Variants in CALCRL observed in about 807,000 individuals in gnomAD.
CALCRL encodes the protein calcitonin receptor like receptor.
A neutral mutation model predicts 60.4 loss-of-function variants in CALCRL; 27 were observed. The ratio of observed to expected loss-of-function variants is 0.45; its 90% CI spans 0.33 to 0.62. The LOEUF is 0.62. Ranked by LOEUF, CALCRL falls within the 20% of genes least tolerant of loss-of-function variation. CALCRL has a pLI of 0.03. For missense variants in CALCRL, 424 were observed against 540.7 expected (o/e 0.78, Z 2.14); for synonymous variants, 190 against 182.6 (o/e 1.04, Z -0.33).
chr2:187,414,679 G>T (rs1405990490), intron 1 of CALCRL, among the ~76,000 whole-genome samples: 2 of 152,034 alleles, frequency 1.3e-5, no homozygotes, highest in African/African-American at 4.8e-5. Flanking sequence ...GTGATACACA[G>T]AAGTTGAAGA....
At chr2:187,429,693 C>A (rs1231003603) in intron 1 of CALCRL, among the ~76,000 whole-genome samples, 2 of 152,094 alleles carry the variant, frequency 1.3e-5, no homozygotes, top group Non-Finnish European at 2.9e-5. Context: ...GAATTTACAC[C>A]TTAAACTGCA....
chr2:187,360,414 A>T (rs1011927348), intron 10 of CALCRL, among the ~76,000 whole-genome samples, 184 bp downstream of exon 10: 6 of 152,096 alleles, frequency 3.9e-5, no homozygotes, highest in Non-Finnish European at 8.8e-5. Context: ...ACTACTGAAA[A>T]CAATGGATGA....
intron 1 of CALCRL, among the ~76,000 whole-genome samples, chr2:187,430,575 C>T (rs867657135): frequency 6.6e-6 from 1 of 152,146 alleles, no homozygotes; most frequent in Non-Finnish European, 1.5e-5. Context: ...AAGACAAACA[C>T]ATCTGGAACA....
rs149296749 is a variant in CALCRL at position 187,374,847 on chromosome 2, A to G, written c.500+4093T>C. ...AGTATTTTCAATAACATCATGACCC[A>G]CTGTAAACACACACACACACATCCC... On this transcript the variant is annotated intron_variant, in intron 8 of 14. Transcript: ENST00000392370. 1.5e-4 allele frequency among the ~76,000 whole-genome samples: 23 copies of G among 152,186 alleles called. No individual in the cohort carries two copies. In the East Asian group the frequency reaches 3.9e-3, roughly 26 times the overall value.
intron 12 of CALCRL, among the ~76,000 whole-genome samples, chr2:187,352,713 A>G (rs958337339): frequency 6.6e-6 from 1 of 151,898 alleles, no homozygotes; most frequent in African/African-American, 2.4e-5. Flanking sequence ...GAAAAATGCT[A>G]ATTTTTAAAG....
intron 8 of CALCRL, among the ~76,000 whole-genome samples, chr2:187,366,313 A>C (rs1297049552): frequency 6.6e-6 from 1 of 151,218 alleles, no homozygotes; most frequent in Non-Finnish European, 1.5e-5. Flanking sequence ...GGATGACTAT[A>C]GTTAATAATA....
intron 1 of CALCRL, among the ~76,000 whole-genome samples, chr2:187,401,888 A>G (rs1368420057): frequency 2.0e-5 from 3 of 151,300 alleles, no homozygotes; most frequent in African/African-American, 4.8e-5. Context: ...TACTCCTTCT[A>G]TGGAGCTATT....
intron 8 of CALCRL, among the ~76,000 whole-genome samples, chr2:187,365,373 A>G (rs1376129718): frequency 6.6e-6 from 1 of 152,144 alleles, no homozygotes; most frequent in Non-Finnish European, 1.5e-5. Flanking sequence ...AGCTTACCCC[A>G]TGTCTATTGA....
rs921846542 is a variant in CALCRL, at chr2:187,342,752, T to C, written c.*3432A>G. Among the ~76,000 whole-genome samples, 7 of 151,644 alleles carry C rather than the reference T, an allele frequency of 4.6e-5. No individual in the cohort carries two copies. The highest frequency in any genetic ancestry group is 1.7e-4 in the African/African-American group (7 of 41,404). On this transcript the variant is annotated 3_prime_UTR_variant, in exon 15 of 15. Transcript: ENST00000392370. ...TAAGGATAGAGTGGTTTTGCACTTA[T>C]TTATAAATTTATTTCAACATTTTTA...
intron 14 of CALCRL, among the ~76,000 whole-genome samples, chr2:187,350,737 A>G (rs1686493760): frequency 6.6e-6 from 1 of 151,718 alleles, no homozygotes; most frequent in African/African-American, 2.4e-5. Flanking sequence ...ATGATTTCCA[A>G]TGTTCATTTG....
At chr2:187,415,641 G>C in intron 1 of CALCRL, 1 of 617,942 alleles carries the variant, frequency 1.6e-6, no homozygotes, top group South Asian at 1.6e-5. Flanking sequence ...AGGCATCGGA[G>C]GGCCCCCTCA....
intron 3 of CALCRL, among the ~76,000 whole-genome samples, chr2:187,387,109 G>T (rs698576): frequency 6.6e-6 from 1 of 152,202 alleles, no homozygotes; most frequent in African/African-American, 2.4e-5. Context: ...AAAAATTTCC[G>T]ATCAACAGAT....
intron 8 of CALCRL, among the ~76,000 whole-genome samples, chr2:187,375,673 A>T (rs1007844765): frequency 6.6e-6 from 1 of 152,190 alleles, no homozygotes; most frequent in East Asian, 1.9e-4. Context: ...CGAGGACAGT[A>T]TTTGGGAGAA....
intron 1 of CALCRL, among the ~76,000 whole-genome samples, chr2:187,412,838 A>C (rs1689424439): frequency 6.6e-6 from 1 of 152,184 alleles, no homozygotes; most frequent in Admixed American, 6.5e-5. Flanking sequence ...TTTGGTGACT[A>C]ATTCCACATA....
intron 1 of CALCRL, among the ~76,000 whole-genome samples, chr2:187,402,865 T>G (rs1688951033): frequency 6.6e-6 from 1 of 151,758 alleles, no homozygotes; most frequent in Admixed American, 6.6e-5. Flanking sequence ...ATGACAAAAT[T>G]TTCATTTTAG....
chr2:187,370,913 A>G (rs912862313), intron 8 of CALCRL, among the ~76,000 whole-genome samples: 3 of 152,212 alleles, frequency 2.0e-5, no homozygotes, highest in Non-Finnish European at 4.4e-5. Context: ...TATGTACACT[A>G]ACTGATTAAA....
chr2:187,447,927 T>C (rs1168664202), intron 1 of CALCRL, 112 bp downstream of exon 1: 2 of 152,152 alleles, frequency 1.3e-5, no homozygotes, highest in African/African-American at 4.8e-5. Context: ...TAAGTGAGAC[T>C]ATGTTTCAAC....
At chr2:187,418,906 G>A (rs1270145597) in intron 1 of CALCRL, among the ~76,000 whole-genome samples, 6 of 146,996 alleles carry the variant, frequency 4.1e-5, no homozygotes, top group Admixed American at 4.1e-4. Context: ...ACCAGGCTGG[G>A]GTGCAGTGGC....
In CALCRL at chr2:187,440,257, A is replaced by G. The variant is rs375466116; in HGVS notation, c.-293+7782T>C. Among the ~76,000 whole-genome samples, 132 of 152,242 alleles carry G rather than the reference A, an allele frequency of 8.7e-4. 5 individuals are homozygous for G. The South Asian group carries it at 0.026, about 30-fold the overall frequency. On this transcript the variant is annotated intron_variant, in intron 1 of 14. Transcript: ENST00000392370. The stretch of plus-strand genomic sequence containing the variant: ...CTGTTATAAAGACTGTTTCCCTTCC[A>G]TGTTGATAACATCACGCAACTATTT...
Sources: gnomAD v4.1 joint callset for allele counts (sites outside exome capture counted in the v4.1 genomes callset) on GRCh38, gnomAD v4.1.1 for gene constraint, MANE v1.5 for transcripts, NCBI Gene and HGNC (gene_info 2026-07-23, HGNC 2026-07-21) for gene names.